Variants in PRKN observed in about 807,000 individuals in gnomAD.
PRKN encodes parkin RBR E3 ubiquitin protein ligase.
Under a neutral mutation model 59.5 loss-of-function variants are expected in PRKN, and 56 were observed. The observed-to-expected ratio is 0.94, with a 90% CI of 0.76 to 1.18. The LOEUF is 1.18. PRKN is among the 50% of genes most tolerant of loss of function. The pLI, the probability that PRKN is intolerant of heterozygous loss-of-function variation, is 0.00. For synonymous variants in PRKN, 250 were observed against 222.1 expected, an observed-to-expected ratio of 1.13 and a Z score of -1.12; for missense variants, 657 against 596.4, an observed-to-expected ratio of 1.10 and a Z score of -1.06.
Position 162,588,309 on chromosome 6 carries a change from C to T in PRKN, c.7+139353G>A, listed in dbSNP as rs575097273. On this transcript the variant is annotated intron_variant, in intron 1 of 11. Transcript: ENST00000366898. Reference sequence around the variant, plus strand: ...TAGAGGTGTGCACCGCGGCGCCCACCGGAACAAAGTGAGTTTTGCTGTGAG... The same window carrying T: ...TAGAGGTGTGCACCGCGGCGCCCACTGGAACAAAGTGAGTTTTGCTGTGAG... 1.2e-4 allele frequency among the ~76,000 whole-genome samples: 18 copies of T among 151,432 alleles called. No homozygotes were observed. The South Asian group carries it at 2.7e-3, about 23-fold the overall frequency.
At chr6:161,900,686 TTA>T (rs1188357195) in intron 6 of PRKN, among the ~76,000 whole-genome samples, 1 of 77,766 alleles carries the variant, frequency 1.3e-5, no homozygotes, top group Non-Finnish European at 2.5e-5. Context: ...ATATAATATA[TTA>T]TATATTATAG....
At chr6:162,542,091 A>G (rs1477196073) in intron 1 of PRKN, among the ~76,000 whole-genome samples, 1 of 152,166 alleles carries the variant, frequency 6.6e-6, no homozygotes, top group East Asian at 1.9e-4. Flanking sequence ...AGGTTGCGGA[A>G]GGTAAGAGAA....
intron 1 of PRKN, among the ~76,000 whole-genome samples, chr6:162,645,622 A>G (rs1040140862): frequency 1.3e-5 from 2 of 152,220 alleles, no homozygotes; most frequent in Non-Finnish European, 1.5e-5. Flanking sequence ...AGAAAAAAAA[A>G]GTGCTTTTTG....
intron 9 of PRKN, among the ~76,000 whole-genome samples, chr6:161,398,470 T>C (rs1786872629): frequency 6.6e-6 from 1 of 152,112 alleles, no homozygotes; most frequent in African/African-American, 2.4e-5. Flanking sequence ...TCTTTCATTT[T>C]ACCAGGATCC....
chr6:161,587,224 G>A (rs901656536), intron 7 of PRKN, among the ~76,000 whole-genome samples: 1 of 152,216 alleles, frequency 6.6e-6, no homozygotes, highest in Non-Finnish European at 1.5e-5. Flanking sequence ...AGACAAGCAA[G>A]AGGTATCTCT....
rs558066052 is a variant in PRKN at position 161,770,667 on chromosome 6, C to T, written c.871+15105G>A. 2.7e-3 allele frequency among the ~76,000 whole-genome samples: 414 copies of T among 152,110 alleles called. 2 individuals carry two copies. The highest frequency in any genetic ancestry group is 9.6e-3 in the African/African-American group (397 of 41,474). ...ATTTTTAGTAAAGACGGGATTTCAC[C>T]ATGTTGGTCAGTCTGGTCTTGAACT... On this transcript the variant is annotated intron_variant, in intron 7 of 11. Transcript: ENST00000366898.
chr6:161,486,030 A>G (rs1791628426), intron 9 of PRKN, among the ~76,000 whole-genome samples: 1 of 152,136 alleles, frequency 6.6e-6, no homozygotes, highest in Admixed American at 6.5e-5. Context: ...TTTACTTTTT[A>G]GCAAAGAAAA....
intron 1 of PRKN, among the ~76,000 whole-genome samples, chr6:162,446,759 C>T (rs1162523799): frequency 1.3e-5 from 2 of 152,026 alleles, no homozygotes; most frequent in Non-Finnish European, 2.9e-5. Context: ...TGCTGAATGG[C>T]AGTAATGTGA....
chr6:161,892,913 C>A (rs1053307158), intron 6 of PRKN, among the ~76,000 whole-genome samples: 1 of 152,302 alleles, frequency 6.6e-6, no homozygotes, highest in South Asian at 2.1e-4. Flanking sequence ...TGCAATCTTG[C>A]CTCACTGCAA....
chr6:162,240,600 A>AAAGTT, intron 3 of PRKN, among the ~76,000 whole-genome samples: 1 of 152,186 alleles, frequency 6.6e-6, no homozygotes, highest in Non-Finnish European at 1.5e-5. Flanking sequence ...TAACAATAAC[A>AAAGTT]CCATGCAAAG....
intron 2 of PRKN, among the ~76,000 whole-genome samples, chr6:162,375,304 G>A (rs931314726): frequency 6.6e-6 from 1 of 151,668 alleles, no homozygotes; most frequent in Non-Finnish European, 1.5e-5. Context: ...AGTAACCAGG[G>A]TCTCAAGCTG....
chr6:162,095,544 A>G (rs1452351652), intron 4 of PRKN, among the ~76,000 whole-genome samples: 2 of 152,196 alleles, frequency 1.3e-5, no homozygotes, highest in African/African-American at 4.8e-5. Flanking sequence ...TCGCTGACCT[A>G]TTAATTTAAG....
chr6:162,032,536 T>A (rs1783679461), intron 5 of PRKN, among the ~76,000 whole-genome samples: 1 of 152,120 alleles, frequency 6.6e-6, no homozygotes, highest in South Asian at 2.1e-4. Flanking sequence ...GACAAAATAA[T>A]TTCATGTTTA....
chr6:161,903,473 G>A (rs913656597), intron 6 of PRKN, among the ~76,000 whole-genome samples: 1 of 152,150 alleles, frequency 6.6e-6, no homozygotes, highest in African/African-American at 2.4e-5. Context: ...TGGGACCTTC[G>A]TTTCTGAGCT....
intron 2 of PRKN, among the ~76,000 whole-genome samples, chr6:162,264,519 G>A (rs530285034): frequency 9.2e-5 from 14 of 152,066 alleles, no homozygotes; most frequent in African/African-American, 3.4e-4. Context: ...ACAATGGCTA[G>A]AATCTGCCTC....
At chr6:162,397,425 C>G (rs145231623) in intron 2 of PRKN, among the ~76,000 whole-genome samples, 151 of 152,110 alleles carry the variant, frequency 9.9e-4, no homozygotes, top group African/African-American at 3.4e-3. Flanking sequence ...TGGATTTCTG[C>G]TTCTTGTAAT....
chr6:162,556,342 GGTGTGTGTGTGTGTGTGTGTGT>G (rs202002846), intron 1 of PRKN, among the ~76,000 whole-genome samples: 2 of 57,300 alleles, frequency 3.5e-5, no homozygotes, highest in East Asian at 7.4e-4. Flanking sequence ...CTACTCAGCT[GGTGTGTGTGTGTGTGTGTGTGT>G]GTGTGTGTGT....
intron 2 of PRKN, among the ~76,000 whole-genome samples, chr6:162,392,046 C>G (rs1365117351): frequency 6.7e-6 from 1 of 150,242 alleles, no homozygotes; most frequent in Non-Finnish European, 1.5e-5. Flanking sequence ...ATTTTTTTTT[C>G]CTTTTGGATG....
chr6:162,082,337 C>A (rs73032261), intron 4 of PRKN, among the ~76,000 whole-genome samples: 48,173 of 151,766 alleles, frequency 0.32, 9,371 homozygotes, highest in East Asian at 0.56. Flanking sequence ...TAAGTGCATT[C>A]AACCTCTTTC....
Sources: allele counts gnomAD v4.1 joint callset (sites outside exome capture counted in the v4.1 genomes callset), GRCh38; gene constraint gnomAD v4.1.1; transcripts MANE v1.5; gene names NCBI Gene and HGNC (gene_info 2026-07-23, HGNC 2026-07-21).